The following PAFAH1B2 variants were observed in gnomAD, a reference collection of about 807,000 sequenced individuals.
The protein encoded by PAFAH1B2 is platelet-activating factor acetylhydrolase IB subunit alpha2.
A neutral mutation model predicts 28.0 loss-of-function variants in PAFAH1B2; 8 were observed. That is an observed-to-expected ratio of 0.29 (90% CI 0.17 to 0.52). The LOEUF (loss-of-function observed/expected upper bound fraction) is 0.52. PAFAH1B2 is among the 20% of genes least tolerant of loss of function. PAFAH1B2 has a pLI of 0.97. For synonymous variants in PAFAH1B2, 104 were observed against 103.2 expected (o/e 1.01, Z -0.05); for missense variants, 190 against 282.6 (o/e 0.67, Z 2.35).
In PAFAH1B2 at chr11:117,162,552, G is replaced by A. The variant is rs187967254; in HGVS notation, c.289-1218G>A. Among the ~76,000 whole-genome samples the A allele has an allele frequency of 2.3e-4, 35 of 150,412 alleles. No individual in the cohort carries two copies. The South Asian group carries it at 4.4e-3, about 19-fold the overall frequency. The stretch of plus-strand genomic sequence containing the variant: ...GGCTGAGGCACGCAGATCACTTGAG[G>A]CTAGGAGTTCACGACCACCCTGGCC... On this transcript the variant is annotated intron_variant, in intron 4 of 5. Coordinates refer to ENST00000527958, the MANE Select transcript of PAFAH1B2 (RefSeq NM_002572.4).
chr11:117,156,875 G>A (rs955249956), intron 2 of PAFAH1B2, among the ~76,000 whole-genome samples: 2 of 151,888 alleles, frequency 1.3e-5, no homozygotes, highest in Non-Finnish European at 2.9e-5. Context: ...AATAAAAGCC[G>A]GATATGGTGA....
rs71469127 is a variant in PAFAH1B2, at chr11:117,168,446, G to GTTTTTTT, written c.*766_*772dup. Reference sequence around the variant, plus strand: ...TCCCCTTCATTCCCCCCGCCACCCCGTTTTTTTTTTTTTTTTTTTTTTTTT... The same window carrying GTTTTTTT: ...TCCCCTTCATTCCCCCCGCCACCCCGTTTTTTTTTTTTTTTTTTTTTTTTTTTTTTTT... On this transcript the variant is annotated 3_prime_UTR_variant, in exon 6 of 6. Coordinates refer to ENST00000527958, the MANE Select transcript of PAFAH1B2 (RefSeq NM_002572.4). The GTTTTTTT allele has an allele frequency of 2.2e-3, 513 of 235,520 alleles. No individual in the cohort carries two copies. The highest frequency in any genetic ancestry group is 2.4e-3 in the East Asian group (14 of 5,726). The allele number at this position is 235,520 out of a possible 1,614,324, so 14.6% of individuals were successfully genotyped here.
intron 2 of PAFAH1B2, among the ~76,000 whole-genome samples, chr11:117,158,628 A>G (rs1956305431): frequency 6.8e-6 from 1 of 147,660 alleles, no homozygotes; most frequent in Non-Finnish European, 1.5e-5. Context: ...AGTTATGATA[A>G]TAGTTTGTGG....
Position 117,168,170 on chromosome 11 carries a change from T to G in PAFAH1B2, c.*471T>G. 9.5e-7 allele frequency: 1 copy of G among 1,048,806 alleles called. No homozygotes were observed. The highest frequency in any genetic ancestry group is 1.2e-6 in the Non-Finnish European group (1 of 866,282). The allele number at this position is 1,048,806 out of a possible 1,614,324, so 65.0% of individuals were successfully genotyped here. A position where few individuals can be genotyped will look rare whatever the true frequency, so the allele number is the denominator to read the frequency against. On this transcript the variant is annotated 3_prime_UTR_variant, in exon 6 of 6. Coordinates refer to ENST00000527958, the MANE Select transcript of PAFAH1B2 (RefSeq NM_002572.4). ...TGTTTTTATGTTGCTTAGATTCTTA[T>G]GTATACTGAATATTTTATTAACATG...
At chr11:117,172,390 ATATATATATATATATTTTT>A (rs1956686914), downstream of PAFAH1B2, among the ~76,000 whole-genome samples, 3 of 1,880 alleles carry the variant, frequency 1.6e-3, no homozygotes, top group Admixed American at 6.8e-3. Flanking sequence ...ATATATATAT[ATATATATATATATATTTTT>A]TTTTTTTTTT....
chr11:117,151,665 G>T (rs911346640), intron 1 of PAFAH1B2, among the ~76,000 whole-genome samples: 1 of 151,978 alleles, frequency 6.6e-6, no homozygotes, highest in Non-Finnish European at 1.5e-5. Flanking sequence ...TGTTTATTTA[G>T]TAACCAGTGG....
chr11:117,172,813 T>C (rs1044345850), downstream of PAFAH1B2, among the ~76,000 whole-genome samples: 1 of 152,188 alleles, frequency 6.6e-6, no homozygotes, highest in Non-Finnish European at 1.5e-5. Flanking sequence ...ATGTAGTTCA[T>C]GTGCCTCAGC....
At position 117,170,832 on chromosome 11, in the gene PAFAH1B2, A is replaced by G; in HGVS notation, c.*3133A>G. On this transcript the variant is annotated 3_prime_UTR_variant, in exon 6 of 6. Transcript: ENST00000527958. ...CAAGCTCCTAAATCCGTGTGGGTGC[A>G]TGTGGGAGAAGTGAGTTAGGGCCTC... 9.4e-7 allele frequency: 1 copy of G among 1,059,564 alleles called. No homozygotes were observed. Among genetic ancestry groups the G allele is most frequent in the Non-Finnish European group, 1.1e-6 (1 of 875,662 alleles). The allele number at this position is 1,059,564 out of a possible 1,614,324, so 65.6% of individuals were successfully genotyped here.
Position 117,168,856 on chromosome 11 carries a change from T to C in PAFAH1B2, c.*1157T>C. On this transcript the variant is annotated 3_prime_UTR_variant, in exon 6 of 6. Coordinates refer to ENST00000527958, the MANE Select transcript of PAFAH1B2 (RefSeq NM_002572.4). ...CCCAGGCTGGGGTGCAATGGTGTGA[T>C]CTTGGCTCACTGCAGCCTCCACCTC... 1 of 602,580 alleles carries C rather than the reference T, an allele frequency of 1.7e-6. No individual in the cohort carries two copies. The highest frequency in any genetic ancestry group is 2.1e-6 in the Non-Finnish European group (1 of 467,014). 37.3% of individuals were successfully genotyped at this position (602,580 alleles called of 1,614,324 possible).
At chr11:117,172,419 T>A (rs1269739680), downstream of PAFAH1B2, among the ~76,000 whole-genome samples, 1 of 15,508 alleles carries the variant, frequency 6.4e-5, no homozygotes, top group Non-Finnish European at 2.8e-4. Flanking sequence ...TTTTTTTTTT[T>A]TTTTTTTTTT....
At chr11:117,171,592 C>G (rs930058706), downstream of PAFAH1B2, 2 of 831,958 alleles carry the variant, frequency 2.4e-6, no homozygotes, top group East Asian at 2.7e-5. Context: ...ACCTTGAGCA[C>G]GGACTCATTT....
chr11:117,166,949 A>G (rs1231696407), intron 5 of PAFAH1B2, among the ~76,000 whole-genome samples: 5 of 152,204 alleles, frequency 3.3e-5, no homozygotes, highest in Non-Finnish European at 7.3e-5. Flanking sequence ...AGAAAATGAC[A>G]TTTAGGATGC....
chr11:117,173,715 A>G (rs1387833990), downstream of PAFAH1B2, among the ~76,000 whole-genome samples: 1 of 152,234 alleles, frequency 6.6e-6, no homozygotes, highest in African/African-American at 2.4e-5. Flanking sequence ...CCAGTATGGC[A>G]GATTAAATCC....
chr11:117,151,957 G>A (rs531933322), intron 1 of PAFAH1B2, among the ~76,000 whole-genome samples: 2 of 151,712 alleles, frequency 1.3e-5, no homozygotes, highest in Non-Finnish European at 1.5e-5. Flanking sequence ...TCCACCTGCC[G>A]CCTAGCCTCC....
At chr11:117,171,174 A>G (rs774311962), downstream of PAFAH1B2, 18 of 599,892 alleles carry the variant, frequency 3.0e-5, no homozygotes, top group Non-Finnish European at 3.6e-5. Context: ...GTGGAACTGA[A>G]TGCACCAGGC....
chr11:117,146,974 CAAAA>C (rs1015468011), intron 1 of PAFAH1B2, among the ~76,000 whole-genome samples: 11 of 148,730 alleles, frequency 7.4e-5, no homozygotes, highest in African/African-American at 2.2e-4. Context: ...TCAAAAAAAA[CAAAA>C]AAAAAGCCGG....
intron 4 of PAFAH1B2, among the ~76,000 whole-genome samples, chr11:117,162,786 T>TG (rs1410345472): frequency 2.0e-5 from 3 of 151,882 alleles, no homozygotes; most frequent in African/African-American, 7.3e-5. Context: ...TTGTTAAAGT[T>TG]GCATCCAGCC....
At chr11:117,175,441 C>T (rs2029921104), downstream of PAFAH1B2, 4 of 1,035,846 alleles carry the variant, frequency 3.9e-6, no homozygotes, top group East Asian at 1.0e-4. Flanking sequence ...AGAAAATGTG[C>T]AGTTGCTGCC....
chr11:117,172,331 G>T (rs1240251116), downstream of PAFAH1B2, among the ~76,000 whole-genome samples: 2 of 125,530 alleles, frequency 1.6e-5, no homozygotes, highest in African/African-American at 3.1e-5. Context: ...TTGCCTACTT[G>T]CTGGTTCATT....
Sources: gnomAD v4.1 joint callset for allele counts (sites outside exome capture counted in the v4.1 genomes callset) on GRCh38, gnomAD v4.1.1 for gene constraint, MANE v1.5 for transcripts, NCBI Gene and HGNC (gene_info 2026-07-23, HGNC 2026-07-21) for gene names.